Variants in GRIA3 observed in about 807,000 individuals in gnomAD.
GRIA3 encodes glutamate ionotropic receptor AMPA type subunit 3.
GRIA3 carries 3 observed loss-of-function variants against 63.0 expected under a neutral mutation model. That is an observed-to-expected ratio of 0.05 (90% CI 0.02 to 0.12). GRIA3 has a LOEUF of 0.12. Ranked by LOEUF, GRIA3 falls within the 10% of genes least tolerant of loss-of-function variation. The pLI, the probability that GRIA3 is intolerant of heterozygous loss-of-function variation, is 1.00. For missense variants in GRIA3, 347 were observed against 700.9 expected (o/e 0.50, Z 5.70); for synonymous variants, 274 against 257.9 (o/e 1.06, Z -0.60).
chrX:123,335,440 T>C (rs1454995411), intron 4 of GRIA3, among the ~76,000 whole-genome samples: 1 of 111,686 alleles, frequency 9.0e-6, no homozygotes. Context: ...CTGAGATTTG[T>C]TTGTTTATCA....
intron 12 of GRIA3, among the ~76,000 whole-genome samples, chrX:123,437,144 C>T (rs1471132463): frequency 9.2e-6 from 1 of 108,523 alleles, no homozygotes; most frequent in Non-Finnish European, 1.9e-5. Context: ...TCATTCTAGT[C>T]TTCAACATCA....
At chrX:123,184,670 G>T in intron 1 of GRIA3, 26 bp downstream of exon 1, 1 of 1,046,298 alleles carries the variant, frequency 9.6e-7, no homozygotes, top group Non-Finnish European at 1.3e-6. Context: ...CCAGCCGTCG[G>T]TCCAGGCTCT....
chrX:123,446,358 C>T (rs1217656535), intron 12 of GRIA3, among the ~76,000 whole-genome samples: 2 of 112,247 alleles, frequency 1.8e-5, no homozygotes, highest in African/African-American at 6.5e-5. Flanking sequence ...TCACTAATAA[C>T]ATGCTTTTCA....
At chrX:123,466,854 G>A (rs1307710114) in intron 13 of GRIA3, among the ~76,000 whole-genome samples, 1 of 112,574 alleles carries the variant, frequency 8.9e-6, no homozygotes. Flanking sequence ...CTTCTTCAGA[G>A]ACAATGGTTG....
intron 2 of GRIA3, among the ~76,000 whole-genome samples, chrX:123,200,541 T>TTA (rs1927698854): frequency 9.3e-6 from 1 of 107,570 alleles, no homozygotes; most frequent in African/African-American, 3.4e-5. Context: ...TTTATATATT[T>TTA]TATATATATA....
rs1352154873 is a variant in GRIA3, at chrX:123,474,068, C to G, written c.2325-5995C>G. ...TCAGGGGACTAAATCATACTACAAC[C>G]TGGGTTCTGATATTTTTCAGGCCCA... On this transcript the variant is annotated intron_variant, in intron 13 of 15. Coordinates refer to ENST00000620443, the MANE Select transcript of GRIA3 (RefSeq NM_007325.5). Among the ~76,000 whole-genome samples the G allele has an allele frequency of 7.2e-5, 8 of 111,882 alleles. No individual in the cohort carries two copies. The Admixed American group carries it at 7.6e-4, about 11-fold the overall frequency.
At position 123,265,541 on chromosome X, in the gene GRIA3, A is replaced by T. The variant is rs940103407; in HGVS notation, c.508+11999A>T. Among the ~76,000 whole-genome samples, 3 of 112,062 alleles carry T rather than the reference A, an allele frequency of 2.7e-5. No individual in the cohort carries two copies. In the Admixed American group the frequency reaches 2.8e-4, roughly 11 times the overall value. On this transcript the variant is annotated intron_variant, in intron 3 of 15. Transcript: ENST00000620443. ...AAAGGTCTTCATCCTCATTGTTTTC[A>T]TATTAAGTAGGCTGAAGAGGAAGAG...
intron 5 of GRIA3, among the ~76,000 whole-genome samples, chrX:123,390,416 TTTTTGTTTTG>T (rs781434413): frequency 3.6e-5 from 4 of 111,885 alleles, no homozygotes; most frequent in Non-Finnish European, 7.5e-5. Flanking sequence ...GCCAGGTGTT[TTTTTGTTTTG>T]TTTTGTTTTG....
chrX:123,483,174 C>A, intron 15 of GRIA3, 128 bp downstream of exon 15: 1 of 542,890 alleles, frequency 1.8e-6, no homozygotes. Flanking sequence ...CCATTTGATT[C>A]TTTGAAAACA....
intron 5 of GRIA3, among the ~76,000 whole-genome samples, chrX:123,377,697 T>A (rs1442551107): frequency 1.8e-5 from 2 of 111,899 alleles, no homozygotes; most frequent in Non-Finnish European, 3.8e-5. Flanking sequence ...CCAATTTTTG[T>A]CTTTGTGCCA....
At chrX:123,255,771 AC>A (rs1339974784) in intron 3 of GRIA3, among the ~76,000 whole-genome samples, 1 of 109,617 alleles carries the variant, frequency 9.1e-6, no homozygotes, top group Non-Finnish European at 1.9e-5. Flanking sequence ...TATATTTTTC[AC>A]CTGCAGCCAT....
intron 3 of GRIA3, among the ~76,000 whole-genome samples, chrX:123,268,485 A>AAAT (rs2044501075): frequency 9.2e-6 from 1 of 109,138 alleles, no homozygotes; most frequent in African/African-American, 3.3e-5. Context: ...ATATAAATAT[A>AAAT]AATAATAATA....
chrX:123,201,942 G>C (rs1322265985), intron 2 of GRIA3, among the ~76,000 whole-genome samples: 2 of 112,049 alleles, frequency 1.8e-5, no homozygotes, highest in African/African-American at 6.5e-5. Flanking sequence ...GTCATCCCCG[G>C]CAATGACCAC....
At chrX:123,289,345 T>C (rs894576431) in intron 3 of GRIA3, among the ~76,000 whole-genome samples, 81 of 109,045 alleles carry the variant, frequency 7.4e-4, no homozygotes, top group Middle Eastern at 4.8e-3. Flanking sequence ...GTGCAGCAAA[T>C]CACCATGGCA....
intron 2 of GRIA3, among the ~76,000 whole-genome samples, chrX:123,205,271 AAG>A (rs1927856033): frequency 8.9e-6 from 1 of 111,994 alleles, no homozygotes. Context: ...CTAGCATTAT[AAG>A]GGAATGAGTG....
chrX:123,231,996 A>G (rs1055970545), intron 2 of GRIA3, among the ~76,000 whole-genome samples: 1 of 111,902 alleles, frequency 8.9e-6, no homozygotes, highest in Non-Finnish European at 1.9e-5. Context: ...TCAGTGTTTT[A>G]TGCTTCTGGA....
chrX:123,221,716 G>C (rs1337459256), intron 2 of GRIA3, among the ~76,000 whole-genome samples: 1 of 111,375 alleles, frequency 9.0e-6, no homozygotes, highest in African/African-American at 3.3e-5. Flanking sequence ...CAAAGAAAAT[G>C]GGGCCCAGAA....
intron 3 of GRIA3, among the ~76,000 whole-genome samples, chrX:123,289,953 G>T (rs1481182197): frequency 9.0e-6 from 1 of 110,965 alleles, no homozygotes; most frequent in South Asian, 3.8e-4. Context: ...GCTTCTTTAT[G>T]ATATATTCTG....
chrX:123,360,534 A>C (rs1489674372), intron 5 of GRIA3, among the ~76,000 whole-genome samples: 2 of 101,977 alleles, frequency 2.0e-5, no homozygotes, highest in African/African-American at 7.2e-5. Context: ...AAAAAAAAAA[A>C]AAAAAAAAAA....
Sources: allele counts gnomAD v4.1 joint callset (sites outside exome capture counted in the v4.1 genomes callset), GRCh38; gene constraint gnomAD v4.1.1; transcripts MANE v1.5; gene names NCBI Gene and HGNC (gene_info 2026-07-23, HGNC 2026-07-21).